Variants in XKR4 observed in about 807,000 individuals in gnomAD.
XKR4 encodes XK related 4, also known as XK-related protein 4.
In XKR4, 12 loss-of-function variants were observed where a neutral mutation model predicts 53.9. The ratio of observed to expected loss-of-function variants is 0.22; its 90% CI spans 0.14 to 0.36. XKR4 has a LOEUF of 0.36. Ranked by LOEUF, XKR4 falls within the 10% of genes least tolerant of loss-of-function variation. The pLI is 1.00. For missense variants in XKR4, 799 were observed against 859.5 expected (o/e 0.93, Z 0.88); for synonymous variants, 354 against 362.4 (o/e 0.98, Z 0.26).
At chr8:55,318,177 G>T (rs1012528112) in intron 1 of XKR4, among the ~76,000 whole-genome samples, 6 of 152,080 alleles carry the variant, frequency 3.9e-5, no homozygotes, top group Non-Finnish European at 8.8e-5. Flanking sequence ...TATCTTGCAA[G>T]TATCTTCCTA....
chr8:55,246,099 C>T (rs551078905), intron 1 of XKR4, among the ~76,000 whole-genome samples: 8 of 152,264 alleles, frequency 5.3e-5, no homozygotes, highest in South Asian at 4.2e-4. Context: ...GAGACTCTGT[C>T]CTTCTCCCCT....
intron 2 of XKR4, among the ~76,000 whole-genome samples, chr8:55,444,869 T>C (rs1352813521): frequency 6.6e-6 from 1 of 152,194 alleles, no homozygotes; most frequent in East Asian, 1.9e-4. Flanking sequence ...CACACATCAC[T>C]ATATAAATAC....
At chr8:55,289,431 C>T (rs894558471) in intron 1 of XKR4, among the ~76,000 whole-genome samples, 3 of 150,340 alleles carry the variant, frequency 2.0e-5, no homozygotes, top group African/African-American at 7.4e-5. Context: ...AGTAGAACTG[C>T]TTGAACCCAG....
chr8:55,304,155 T>C (rs1819252352), intron 1 of XKR4, among the ~76,000 whole-genome samples: 1 of 152,230 alleles, frequency 6.6e-6, no homozygotes, highest in South Asian at 2.1e-4. Flanking sequence ...AATTTCCCTC[T>C]ACACACTGCT....
At chr8:55,506,394 G>A (rs1248083052) in intron 2 of XKR4, among the ~76,000 whole-genome samples, 1 of 152,166 alleles carries the variant, frequency 6.6e-6, no homozygotes, top group Non-Finnish European at 1.5e-5. Flanking sequence ...CTGCAGATCA[G>A]GCACACACTA....
intron 1 of XKR4, among the ~76,000 whole-genome samples, chr8:55,106,673 A>T (rs1473571345): frequency 6.6e-6 from 1 of 152,006 alleles, no homozygotes; most frequent in Non-Finnish European, 1.5e-5. Context: ...TACTCTTAAA[A>T]CTCTACCTGA....
chr8:55,196,317 G>A (rs1585932046), intron 1 of XKR4, among the ~76,000 whole-genome samples: 2 of 151,992 alleles, frequency 1.3e-5, no homozygotes, highest in East Asian at 3.9e-4. Context: ...GAGTAGCTGG[G>A]ATTACAGGCA....
chr8:55,317,580 G>A (rs1803110916), intron 1 of XKR4, among the ~76,000 whole-genome samples: 1 of 152,186 alleles, frequency 6.6e-6, no homozygotes, highest in African/African-American at 2.4e-5. Context: ...ATAAGAGACA[G>A]TACTGTGGCA....
At chr8:55,286,966 A>G (rs929871334) in intron 1 of XKR4, among the ~76,000 whole-genome samples, 40 of 152,212 alleles carry the variant, frequency 2.6e-4, no homozygotes, top group Non-Finnish European at 1.2e-4. Context: ...TATTAATTCT[A>G]GTTATTCCAT....
intron 2 of XKR4, among the ~76,000 whole-genome samples, chr8:55,480,745 T>C (rs1264765844): frequency 7.6e-6 from 1 of 132,388 alleles, no homozygotes; most frequent in Non-Finnish European, 1.6e-5. Flanking sequence ...AAAAGCATTC[T>C]TATACACCAA....
intron 1 of XKR4, among the ~76,000 whole-genome samples, chr8:55,152,331 A>C (rs957018916): frequency 2.0e-5 from 3 of 152,184 alleles, no homozygotes; most frequent in Non-Finnish European, 4.4e-5. Flanking sequence ...TGTAATTTTA[A>C]AGGATTCTCC....
intron 1 of XKR4, among the ~76,000 whole-genome samples, chr8:55,350,587 G>C (rs2129383514): frequency 6.6e-6 from 1 of 152,260 alleles, no homozygotes; most frequent in Middle Eastern, 3.4e-3. Flanking sequence ...ATCCAGAGAA[G>C]ATATCCAGAG....
intron 1 of XKR4, among the ~76,000 whole-genome samples, chr8:55,293,020 T>A (rs577990200): frequency 1.5e-4 from 23 of 150,540 alleles, no homozygotes; most frequent in Non-Finnish European, 2.9e-4. Context: ...CAACTGCCAT[T>A]TTTTCCATTG....
intron 2 of XKR4, among the ~76,000 whole-genome samples, chr8:55,457,856 A>G (rs1433104950): frequency 6.6e-6 from 1 of 152,234 alleles, no homozygotes; most frequent in Non-Finnish European, 1.5e-5. Context: ...TATGACGGTA[A>G]TAATCAAAAA....
At chr8:55,359,571 A>C (rs566993212) in intron 2 of XKR4, among the ~76,000 whole-genome samples, 11 of 152,338 alleles carry the variant, frequency 7.2e-5, no homozygotes, top group South Asian at 6.2e-4. Context: ...TAATTATACA[A>C]TTGGGAACTC....
rs909891413 is a variant in XKR4, at chr8:55,433,349, T to G, written c.1006+75472T>G. On this transcript the variant is annotated intron_variant, in intron 2 of 2. Transcript: ENST00000327381. ...ATACAGAAGTCGCTAAATGATGACA[T>G]TACACATAGGATTTAGTTCTGTGCA... 2.6e-5 allele frequency among the ~76,000 whole-genome samples: 4 copies of G among 152,232 alleles called. No individual in the cohort carries two copies. In the East Asian group the frequency reaches 5.8e-4, roughly 22 times the overall value.
rs1337223711 is a variant in XKR4 at position 55,530,027 on chromosome 8, C to T, written c.*5800C>T. 1.3e-5 allele frequency: 2 copies of T among 151,860 alleles called. No individual in the cohort carries two copies. The highest frequency in any genetic ancestry group is 1.3e-4 in the Admixed American group (2 of 15,232). 9.4% of individuals were successfully genotyped at this position (151,860 alleles called of 1,614,324 possible). A position where few individuals can be genotyped will look rare whatever the true frequency, so the allele number is the denominator to read the frequency against. On this transcript the variant is annotated 3_prime_UTR_variant, in exon 3 of 3. Coordinates refer to ENST00000327381, the MANE Select transcript of XKR4 (RefSeq NM_052898.2). ...GTCTCTTGTATTTTATATGTGTATG[C>T]TGTTTTCATCCAATTAAGCAGACTG...
intron 2 of XKR4, among the ~76,000 whole-genome samples, chr8:55,429,863 G>A (rs1227394883): frequency 6.6e-6 from 1 of 152,140 alleles, no homozygotes; most frequent in Non-Finnish European, 1.5e-5. Flanking sequence ...TACAGACTGG[G>A]AGAATATATT....
chr8:55,137,572 CTTTTTTT>C (rs369443865), intron 1 of XKR4, among the ~76,000 whole-genome samples: 5 of 130,772 alleles, frequency 3.8e-5, no homozygotes, highest in South Asian at 4.9e-4. Context: ...CAGAAGAGAA[CTTTTTTT>C]TTTTTTTTTT....
Sources: allele counts gnomAD v4.1 joint callset (sites outside exome capture counted in the v4.1 genomes callset), GRCh38; gene constraint gnomAD v4.1.1; transcripts MANE v1.5; gene names NCBI Gene and HGNC (gene_info 2026-07-23, HGNC 2026-07-21).